EFCAB12: variants seen among roughly 807,000 people sequenced by gnomAD.
EFCAB12 encodes EF-hand calcium-binding domain-containing protein 12.
A neutral mutation model predicts 53.6 loss-of-function variants in EFCAB12; 43 were observed. That is an observed-to-expected ratio of 0.80 (90% confidence interval 0.63 to 1.03). The LOEUF (loss-of-function observed/expected upper bound fraction) is 1.03, where lower values mean the gene tolerates loss of function less well. EFCAB12 is among the 50% of genes least tolerant of loss of function. EFCAB12 has a pLI of 0.00. For synonymous variants in EFCAB12, 269 were observed against 289.2 expected (o/e 0.93, Z 0.71); for missense variants, 646 against 730.6 (o/e 0.88, Z 1.34).
In EFCAB12 at chr3:129,419,152, T is replaced by C. The variant is rs199900864; in HGVS notation, c.487-704A>G. ...GGCTTAATGTTTGTCCCCTCCAAAA[T>C]ACATGTTTAAACTGAACATGACTTT... On this transcript the variant is annotated intron_variant, in intron 2 of 8. Transcript: ENST00000505956. 3.9e-5 allele frequency among the ~76,000 whole-genome samples: 6 copies of C among 152,312 alleles called. No individual in the cohort carries two copies. The East Asian group carries it at 1.2e-3, about 29-fold the overall frequency.
At chr3:129,408,440 T>C (rs2071981753) in intron 6 of EFCAB12, among the ~76,000 whole-genome samples, 1 of 152,148 alleles carries the variant, frequency 6.6e-6, no homozygotes, top group Admixed American at 6.5e-5. Flanking sequence ...CTCCGGGTCT[T>C]GTGTTCTAGA....
intron 1 of EFCAB12, among the ~76,000 whole-genome samples, chr3:129,424,246 A>G (rs904066162): frequency 6.6e-6 from 1 of 152,182 alleles, no homozygotes; most frequent in African/African-American, 2.4e-5. Context: ...GTCAGCAAAT[A>G]AGAAAAGTAA....
At chr3:129,425,929 T>C (rs1291280410) in intron 1 of EFCAB12, among the ~76,000 whole-genome samples, 5 of 152,340 alleles carry the variant, frequency 3.3e-5, no homozygotes, top group Middle Eastern at 3.4e-3. Context: ...TATTTCCTTA[T>C]ATTGACCCAG....
At chr3:129,418,125 C>T (rs1325403303) in intron 3 of EFCAB12, 129 bp downstream of exon 3, 1 of 828,878 alleles carries the variant, frequency 1.2e-6, no homozygotes, top group Non-Finnish European at 1.8e-6. Context: ...TGACAGTTTG[C>T]ACTCCTTGTG....
At position 129,401,565 on chromosome 3, in the gene EFCAB12, G is replaced by A. The variant is rs751693509; in HGVS notation, c.*28C>T. The A allele has an allele frequency of 6.7e-6, 10 of 1,492,840 alleles. No homozygotes were observed. In the African/African-American group the frequency reaches 1.1e-4, roughly 17 times the overall value. 92.5% of individuals were successfully genotyped at this position (1,492,840 alleles called of 1,614,324 possible). The stretch of plus-strand genomic sequence containing the variant: ...GCTGCACTGGCCCCTGGCCCAGGAA[G>A]GCTGGGTCCGGCAACACCTGGCTAG... On this transcript the variant is annotated 3_prime_UTR_variant, in exon 9 of 9. Transcript: ENST00000505956.
chr3:129,416,764 C>T (rs1008953120), intron 3 of EFCAB12, among the ~76,000 whole-genome samples: 1 of 152,148 alleles, frequency 6.6e-6, no homozygotes, highest in Non-Finnish European at 1.5e-5. Flanking sequence ...ATCCTCCCAT[C>T]TGACCCTCCC....
intron 5 of EFCAB12, among the ~76,000 whole-genome samples, chr3:129,410,885 A>C (rs979669684): frequency 5.3e-5 from 8 of 152,200 alleles, no homozygotes; most frequent in African/African-American, 1.9e-4. Flanking sequence ...ATGAAAATGC[A>C]GGCCTGGTCT....
chr3:129,404,347 G>T lies in EFCAB12; in HGVS notation c.1306C>A (p.Arg436=), dbSNP rs200484194. Residue 436 remains arginine (R), a synonymous_variant, in exon 7 of 9, where the codon CGG becomes AGG. Transcript: ENST00000505956. ...TCAGAGTAGTAGCCTCCCGGCTGCC[G>T]GATGGGGCACACTTTGTCCATCTGG... is the stretch of plus-strand genomic sequence containing the variant. The part of the protein sequence containing the change: ...IFQMDKVCPI[R]QPGGYYSDWK... 1 of 1,613,874 alleles carries T rather than the reference G, an allele frequency of 6.2e-7. No individual in the cohort carries two copies. The highest frequency in any genetic ancestry group is 1.1e-5 in the South Asian group (1 of 91,072).
At chr3:129,420,985 T>C (rs1335242877) in intron 2 of EFCAB12, among the ~76,000 whole-genome samples, 2 of 152,272 alleles carry the variant, frequency 1.3e-5, no homozygotes, top group Non-Finnish European at 2.9e-5. Flanking sequence ...TGAGGCCTCC[T>C]GCCAATAGCC....
intron 5 of EFCAB12, 40 bp downstream of exon 5, chr3:129,411,118 A>T: frequency 6.5e-7 from 1 of 1,540,372 alleles, no homozygotes; most frequent in Non-Finnish European, 8.7e-7. Context: ...CAGCTGCTCC[A>T]GTCCCCAAGC....
intron 2 of EFCAB12, among the ~76,000 whole-genome samples, chr3:129,418,942 C>T (rs911774115): frequency 6.6e-6 from 1 of 152,180 alleles, no homozygotes; most frequent in African/African-American, 2.4e-5. Flanking sequence ...TAATCTTCTA[C>T]CTTGGTGCAG....
At chr3:129,413,627 T>C (rs957328979) in intron 4 of EFCAB12, 1 of 152,224 alleles carries the variant, frequency 6.6e-6, no homozygotes. Context: ...ACTCTTCCAC[T>C]GTGAATCCTT....
intron 6 of EFCAB12, among the ~76,000 whole-genome samples, chr3:129,406,723 G>A (rs537332789): frequency 7.9e-5 from 12 of 152,190 alleles, no homozygotes; most frequent in Non-Finnish European, 1.3e-4. Flanking sequence ...GGCTGTTCTC[G>A]AACTCCTGGG....
At position 129,418,394 on chromosome 3, in the gene EFCAB12, G is replaced by A. The variant is rs1228396508; in HGVS notation, c.541C>T (p.Leu181=). Residue 181 remains leucine, a synonymous_variant, in exon 3 of 9, where the codon CTG becomes TTG. Transcript: ENST00000505956. ...LSRQMVPQLQ[L]PEPPALSVMY... is the part of the protein sequence containing the mutation. The stretch of plus-strand genomic sequence containing the variant: ...ACCGACAGGGCAGGGGGCTCGGGCA[G>A]CTGGAGCTGGGGCACCATCTGGCGG... The A allele has an allele frequency of 6.2e-7, 1 of 1,613,420 alleles. No homozygotes were observed. Among genetic ancestry groups the A allele is most frequent in the South Asian group, 1.1e-5 (1 of 90,952 alleles).
intron 5 of EFCAB12, 23 bp downstream of exon 5, chr3:129,411,135 C>T: frequency 6.4e-7 from 1 of 1,550,494 alleles, no homozygotes; most frequent in Non-Finnish European, 8.7e-7. Context: ...AAGCCGCATG[C>T]TCTCCTTGGG....
chr3:129,420,965 G>C (rs1055624207), intron 2 of EFCAB12, among the ~76,000 whole-genome samples: 1 of 152,226 alleles, frequency 6.6e-6, no homozygotes, highest in Admixed American at 6.5e-5. Context: ...AGGTCCATGT[G>C]GGGAGGAACT....
intron 6 of EFCAB12, among the ~76,000 whole-genome samples, chr3:129,407,303 G>A (rs927013299): frequency 6.6e-5 from 10 of 152,170 alleles, no homozygotes; most frequent in Admixed American, 3.3e-4. Context: ...TGGAAGCCGC[G>A]CAGTCCACAG....
rs757956544 is a variant in EFCAB12, at chr3:129,401,847, G to C, written c.1465C>G (p.Leu489Val). The C allele has an allele frequency of 5.6e-6, 9 of 1,610,674 alleles. No homozygotes were observed. The highest frequency in any genetic ancestry group is 5.0e-5 in the Admixed American group (3 of 59,866). Residue 489 changes from leucine (L) to valine (V), a missense_variant, in exon 9 of 9, where the codon CTG becomes GTG. Coordinates refer to ENST00000505956, the MANE Select transcript of EFCAB12 (RefSeq NM_207307.3). ...FKEFEEFTRK[L>V]KVKRSSGLQQ... The stretch of plus-strand genomic sequence containing the variant: ...AGACCACTGGACCTCTTCACCTTCA[G>C]CTTCCTGGAAAACAAGAAGACACAG...
In EFCAB12 at chr3:129,401,489, C is replaced by A; in HGVS notation, c.*104G>T. 1 of 1,415,802 alleles carries A rather than the reference C, an allele frequency of 7.1e-7. No individual in the cohort carries two copies. The highest frequency in any genetic ancestry group is 9.4e-7 in the Non-Finnish European group (1 of 1,069,138). 87.7% of individuals were successfully genotyped at this position (1,415,802 alleles called of 1,614,324 possible). ...GGTCCATCCCTCTTTGAAAGGATTT[C>A]TTTAGTTTGACTCTTTGACACTCCT... On this transcript the variant is annotated 3_prime_UTR_variant, in exon 9 of 9. Transcript: ENST00000505956.
Sources: allele counts gnomAD v4.1 joint callset (sites outside exome capture counted in the v4.1 genomes callset), GRCh38; gene constraint gnomAD v4.1.1; transcripts MANE v1.5; gene names NCBI Gene and HGNC (gene_info 2026-07-23, HGNC 2026-07-21).